The following UNC13A variants were observed in gnomAD, a reference collection of about 807,000 sequenced individuals.
The protein encoded by UNC13A is protein unc-13 homolog A.
UNC13A carries 61 observed loss-of-function variants against 219.7 expected under a neutral mutation model. The ratio of observed to expected loss-of-function variants is 0.28; its 90% CI spans 0.23 to 0.34. UNC13A has a LOEUF of 0.34. UNC13A is among the 10% of genes least tolerant of loss of function. The pLI is 1.00. For synonymous variants in UNC13A, 920 were observed against 884.6 expected (o/e 1.04, Z -0.71); for missense variants, 1,476 against 2,270.3 (o/e 0.65, Z 7.11).
chr19:17,604,748 G>C lies in UNC13A; in HGVS notation c.*1306C>G. 1 of 152,438 alleles carries C rather than the reference G, an allele frequency of 6.6e-6. No individual in the cohort carries two copies. Among genetic ancestry groups the C allele is most frequent in the Non-Finnish European group, 1.5e-5 (1 of 68,086 alleles). The allele number at this position is 152,438 out of a possible 1,614,324, so 9.4% of individuals were successfully genotyped here. The stretch of plus-strand genomic sequence containing the variant: ...GGTCACTGTAACTTTGCTCATTGGA[G>C]AAAGAGCTTCCAGCTGGCAAGAGGG... On this transcript the variant is annotated 3_prime_UTR_variant, in exon 44 of 44. Transcript: ENST00000519716.
intron 1 of UNC13A, among the ~76,000 whole-genome samples, chr19:17,681,281 A>G (rs2080013603): frequency 6.6e-6 from 1 of 151,804 alleles, no homozygotes; most frequent in African/African-American, 2.4e-5. Flanking sequence ...GGGAGACAGG[A>G]GGTGGAGATC....
At chr19:17,621,153 C>G (rs961234813) in intron 37 of UNC13A, among the ~76,000 whole-genome samples, 5 of 152,158 alleles carry the variant, frequency 3.3e-5, no homozygotes. Context: ...ATACACTAAA[C>G]TACATACGTG....
At chr19:17,623,610 G>C (rs971940501) in intron 35 of UNC13A, 63 bp from the exon 36 acceptor site, 2 of 885,618 alleles carry the variant, frequency 2.3e-6, no homozygotes, top group Non-Finnish European at 3.2e-6. Flanking sequence ...TGAGTCTCCC[G>C]GGAAGGCCAG....
intron 1 of UNC13A, among the ~76,000 whole-genome samples, chr19:17,684,291 G>C (rs748111821): frequency 2.6e-5 from 4 of 152,070 alleles, no homozygotes; most frequent in Non-Finnish European, 5.9e-5. Flanking sequence ...GGTGGAATCA[G>C]GGTAGGCTTC....
intron 36 of UNC13A, 95 bp downstream of exon 36, chr19:17,623,447 C>G: frequency 1.2e-6 from 1 of 863,950 alleles, no homozygotes; most frequent in Non-Finnish European, 1.7e-6. Flanking sequence ...GGAGGGGGCG[C>G]TGGGTGGGTG....
At chr19:17,668,503 T>G (rs2079708764) in intron 5 of UNC13A, among the ~76,000 whole-genome samples, 1 of 152,218 alleles carries the variant, frequency 6.6e-6, no homozygotes, top group Non-Finnish European at 1.5e-5. Flanking sequence ...AAATTGTTTT[T>G]TGAGACGGAG....
chr19:17,614,432 G>A (rs987671882), intron 41 of UNC13A: 1 of 152,218 alleles, frequency 6.6e-6, no homozygotes, highest in African/African-American at 2.4e-5. Flanking sequence ...TCACTGATGG[G>A]GCAGCTTAAA....
intron 12 of UNC13A, among the ~76,000 whole-genome samples, chr19:17,650,743 G>A (rs1468691239): frequency 6.6e-6 from 1 of 151,634 alleles, no homozygotes; most frequent in Non-Finnish European, 1.5e-5. Context: ...CTCCCAAAGT[G>A]CTGAGATTAC....
chr19:17,669,812 C>G, intron 4 of UNC13A, 136 bp from the exon 5 acceptor site: 2 of 1,053,246 alleles, frequency 1.9e-6, no homozygotes, highest in East Asian at 2.8e-5. Context: ...TCTTTCCTTC[C>G]GTCCTTCCTT....
chr19:17,657,883 G>GA (rs67859749), intron 9 of UNC13A, among the ~76,000 whole-genome samples, 179 bp downstream of exon 9: 140 of 139,708 alleles, frequency 1.0e-3, no homozygotes, highest in African/African-American at 1.4e-3. Flanking sequence ...AAAAAGAAAA[G>GA]AAAAAAAAAA....
chr19:17,679,650 C>T (rs982713333), intron 1 of UNC13A, among the ~76,000 whole-genome samples: 1 of 152,050 alleles, frequency 6.6e-6, no homozygotes, highest in Non-Finnish European at 1.5e-5. Context: ...TGGATTTAGG[C>T]TCAGCGGGGA....
intron 1 of UNC13A, among the ~76,000 whole-genome samples, chr19:17,681,944 A>G (rs991414052): frequency 5.6e-5 from 7 of 124,644 alleles, no homozygotes; most frequent in Admixed American, 2.0e-4. Flanking sequence ...TAAAAACATC[A>G]TCATTGATTT....
intron 2 of UNC13A, 37 bp downstream of exon 2, chr19:17,675,975 G>A (rs768917228): frequency 6.5e-7 from 1 of 1,548,270 alleles, no homozygotes; most frequent in South Asian, 1.2e-5. Context: ...CAGACAGACA[G>A]ACAACACGGG....
At chr19:17,645,278 G>T (rs1349293699) in intron 19 of UNC13A, among the ~76,000 whole-genome samples, 1 of 151,540 alleles carries the variant, frequency 6.6e-6, no homozygotes, top group Non-Finnish European at 1.5e-5. Context: ...CAAAGTGCTG[G>T]GATTACAGGC....
chr19:17,615,076 G>A (rs111769230), intron 41 of UNC13A, among the ~76,000 whole-genome samples: 13 of 152,300 alleles, frequency 8.5e-5, no homozygotes, highest in African/African-American at 3.1e-4. Context: ...CCAAGTCCCG[G>A]GACCCCTGCA....
chr19:17,664,822 C>T (rs543070108), intron 7 of UNC13A, among the ~76,000 whole-genome samples: 7 of 152,284 alleles, frequency 4.6e-5, no homozygotes, highest in African/African-American at 1.7e-4. Context: ...ACCCCGGTTC[C>T]ATTACCACCC....
chr19:17,610,407 A>G (rs1474144391), intron 42 of UNC13A, among the ~76,000 whole-genome samples: 1 of 152,146 alleles, frequency 6.6e-6, no homozygotes, highest in East Asian at 1.9e-4. Context: ...CGGCAGTTGC[A>G]GTGAGCTGAG....
chr19:17,604,672 C>G lies in UNC13A; in HGVS notation c.*1382G>C, dbSNP rs2076502051. ...AAGCAGATCCCAGAGCAAGTGTAGTCCACGCTGAACTTTCCCCTAAGGTCC... is the reference window on the plus strand; with the variant it reads ...AAGCAGATCCCAGAGCAAGTGTAGTGCACGCTGAACTTTCCCCTAAGGTCC... On this transcript the variant is annotated 3_prime_UTR_variant, in exon 44 of 44. Transcript: ENST00000519716. The G allele has an allele frequency of 6.6e-6, 1 of 152,298 alleles. No individual in the cohort carries two copies. The allele number at this position is 152,298 out of a possible 1,614,324, so 9.4% of individuals were successfully genotyped here. A position where few individuals can be genotyped will look rare whatever the true frequency, so the allele number is the denominator to read the frequency against.
intron 43 of UNC13A, among the ~76,000 whole-genome samples, chr19:17,607,869 G>T: frequency 7.7e-6 from 1 of 129,520 alleles, no homozygotes; most frequent in South Asian, 2.5e-4. Flanking sequence ...CTACCCCCGT[G>T]AACAGACTTT....
Sources: gnomAD v4.1 joint callset for allele counts (sites outside exome capture counted in the v4.1 genomes callset) on GRCh38, gnomAD v4.1.1 for gene constraint, MANE v1.5 for transcripts, NCBI Gene and HGNC (gene_info 2026-07-23, HGNC 2026-07-21) for gene names.